The following SYNE1 variants were observed in gnomAD, a reference collection of about 807,000 sequenced individuals.
SYNE1 encodes the protein spectrin repeat containing nuclear envelope protein 1, also known as nesprin-1.
Under a neutral mutation model 1,111.0 loss-of-function variants are expected in SYNE1, and 616 were observed. That is an observed-to-expected ratio of 0.55 (90% CI 0.52 to 0.59). The LOEUF is 0.59. SYNE1 is among the 20% of genes least tolerant of loss of function. SYNE1 has a pLI of 0.00. For synonymous variants in SYNE1, 3,855 were observed against 3,825.8 expected (o/e 1.01, Z -0.28); for missense variants, 10,006 against 10,417.0 (o/e 0.96, Z 1.72).
rs1046460352 is a variant in SYNE1, at chr6:152,562,803, T to A, written c.68-22782A>T. Among the ~76,000 whole-genome samples the A allele has an allele frequency of 1.1e-4, 17 of 152,056 alleles. 1 individual carries two copies. The highest frequency in any genetic ancestry group is 1.2e-4 in the Non-Finnish European group (8 of 68,016). ...GTATCCCAGGACTTAAAGTATATAT[T>A]TTTTTAAAAAACTCTAAATATCAAT... On this transcript the variant is annotated intron_variant, in intron 3 of 145. Coordinates refer to ENST00000367255, the MANE Select transcript of SYNE1 (RefSeq NM_182961.4).
chr6:152,241,831 G>A (rs111679234), intron 107 of SYNE1, among the ~76,000 whole-genome samples: 2 of 152,088 alleles, frequency 1.3e-5, no homozygotes, highest in African/African-American at 4.8e-5. Context: ...GGCAAAGAGG[G>A]TAACTGGGAC....
chr6:152,180,145 C>T lies in SYNE1; in HGVS notation c.23451G>A (p.Lys7817=). ...GDILIEEMIE[K]LKKDYQEEIA... ...GCCATGCATTCCATACCTTCTTGAGCTTCTCTATCATTTCTTCAATGAGAA... is the reference window on the plus strand; with the variant it reads ...GCCATGCATTCCATACCTTCTTGAGTTTCTCTATCATTTCTTCAATGAGAA... The change falls in exon 129 of 146, where the codon AAG becomes AAA. Residue 7817 remains lysine (K), a synonymous_variant. Transcript: ENST00000367255. The T allele has an allele frequency of 6.2e-7, 1 of 1,614,084 alleles. No homozygotes were observed.
In SYNE1 at chr6:152,413,218, T is replaced by C. The variant is rs369294251; in HGVS notation, c.6230+134A>G. 1.2e-3 allele frequency: 1,284 copies of C among 1,057,960 alleles called. 7 individuals carry two copies. The highest frequency in any genetic ancestry group is 0.011 in the African/African-American group (670 of 63,550). 65.5% of individuals were successfully genotyped at this position (1,057,960 alleles called of 1,614,324 possible). A position where few individuals can be genotyped will look rare whatever the true frequency, so the allele number is the denominator to read the frequency against. ...CGAAATAAGTAAATTTTCAATGTTA[T>C]GAAAGTGACACAGAATATCTAAAAT... On this transcript the variant is annotated intron_variant, in intron 42 of 145. Coordinates refer to ENST00000367255, the MANE Select transcript of SYNE1 (RefSeq NM_182961.4).
Position 152,344,063 on chromosome 6 carries a change from C to G in SYNE1, c.12225+18G>C. Reference sequence around the variant, plus strand: ...GAATGATTCACAAGAATAACACAAACTTTCAGGAGTTTACTACCTGCTTAA... The same window carrying G: ...GAATGATTCACAAGAATAACACAAAGTTTCAGGAGTTTACTACCTGCTTAA... On this transcript the variant is annotated intron_variant, in intron 74 of 145. Coordinates refer to ENST00000367255, the MANE Select transcript of SYNE1 (RefSeq NM_182961.4). 6.2e-7 allele frequency: 1 copy of G among 1,614,114 alleles called. No homozygotes were observed. The highest frequency in any genetic ancestry group is 8.5e-7 in the Non-Finnish European group (1 of 1,179,986).
intron 28 of SYNE1, among the ~76,000 whole-genome samples, 196 bp downstream of exon 28, chr6:152,449,337 C>A (rs1427398521): frequency 1.3e-5 from 2 of 152,200 alleles, no homozygotes; most frequent in African/African-American, 4.8e-5. Context: ...GCATGACTAA[C>A]CCTCAAAGCT....
intron 4 of SYNE1, among the ~76,000 whole-genome samples, chr6:152,532,134 T>C (rs1273244549): frequency 6.6e-6 from 1 of 152,238 alleles, no homozygotes; most frequent in African/African-American, 2.4e-5. Flanking sequence ...TTTGAAACAT[T>C]ACTAGCATAT....
rs2097812968 is a variant in SYNE1 at position 152,401,316 on chromosome 6, T to C, written c.6851A>G (p.Lys2284Arg). Residue 2284 changes from lysine to arginine, a missense_variant, in exon 47 of 146, where the codon AAA becomes AGA. Transcript: ENST00000367255. ...AGTTATTTCTTTGGCATGCTCCAGT[T>C]TCTGCATTAAGTCTGCTTCTATAAA... Reference protein sequence around the residue: ...LQFIEADLMQKLEHAKEITEV... With the variant: ...LQFIEADLMQRLEHAKEITEV... 1 of 1,613,810 alleles carries C rather than the reference T, an allele frequency of 6.2e-7. No homozygotes were observed. Among genetic ancestry groups the C allele is most frequent in the African/African-American group, 1.3e-5 (1 of 74,930 alleles).
intron 142 of SYNE1, chr6:152,133,855 G>A: frequency 4.5e-6 from 1 of 224,636 alleles, no homozygotes; most frequent in Non-Finnish European, 8.9e-6. Context: ...TAGCGAAGCA[G>A]AAGTATGTCT....
intron 108 of SYNE1, 66 bp downstream of exon 108, chr6:152,239,467 T>C (rs2085032932): frequency 2.5e-6 from 4 of 1,595,526 alleles, no homozygotes; most frequent in Non-Finnish European, 3.4e-6. Context: ...AGATACATCT[T>C]GCATTAAAGG....
chr6:152,252,426 C>T (rs978706355), intron 104 of SYNE1, among the ~76,000 whole-genome samples: 4 of 152,076 alleles, frequency 2.6e-5, no homozygotes, highest in Admixed American at 2.0e-4. Flanking sequence ...TTTGAGGTTA[C>T]GTCCATGGGT....
intron 112 of SYNE1, 90 bp downstream of exon 112, chr6:152,233,690 TA>T: frequency 6.8e-7 from 1 of 1,478,756 alleles, no homozygotes; most frequent in South Asian, 1.2e-5. Context: ...ACAAAGCTGA[TA>T]TAAATTTGTG....
At chr6:152,147,387 C>A (rs1480601133) in intron 137 of SYNE1, 1 of 152,304 alleles carries the variant, frequency 6.6e-6, no homozygotes, top group Non-Finnish European at 1.5e-5. Context: ...AGGATCCCAG[C>A]ACCTCCCTCC....
rs145987148 is a variant in SYNE1, at chr6:152,342,477, A to C, written c.12225+1604T>G. 7.5e-3 allele frequency among the ~76,000 whole-genome samples: 1,142 copies of C among 152,334 alleles called. 19 individuals carry two copies. Among genetic ancestry groups the C allele is most frequent in the African/African-American group, 0.026 (1,071 of 41,566 alleles). On this transcript the variant is annotated intron_variant, in intron 74 of 145. Coordinates refer to ENST00000367255, the MANE Select transcript of SYNE1 (RefSeq NM_182961.4). The stretch of plus-strand genomic sequence containing the variant: ...CATTTGTCCTGATTCTATTCTTATA[A>C]AGTAAAATATGAACACTTTTGTGAA...
chr6:152,256,787 T>C (rs2090958376), intron 101 of SYNE1, 22 bp from the exon 102 acceptor site: 2 of 1,612,624 alleles, frequency 1.2e-6, no homozygotes, highest in East Asian at 4.5e-5. Context: ...CAAAGGCAGC[T>C]TGTTGAAGAG....
rs144118744 is a variant in SYNE1 at position 152,337,096 on chromosome 6, C to T, written c.12352-79G>A. On this transcript the variant is annotated intron_variant, in intron 75 of 145. Transcript: ENST00000367255. ...TTAATGAATCAGAGATGGAACTTTC[C>T]AGCTGGCCTGTGCACTCATTTGACA... 82 of 1,466,102 alleles carry T rather than the reference C, an allele frequency of 5.6e-5. No homozygotes were observed. In the Middle Eastern group the frequency reaches 5.8e-4, roughly 10 times the overall value. 90.8% of individuals were successfully genotyped at this position (1,466,102 alleles called of 1,614,324 possible).
intron 9 of SYNE1, among the ~76,000 whole-genome samples, chr6:152,503,064 A>C (rs376336702): frequency 1.8e-4 from 28 of 152,208 alleles, no homozygotes; most frequent in African/African-American, 6.5e-4. Context: ...TTCCTCATAC[A>C]GTATCTCATA....
chr6:152,167,580 T>A, intron 130 of SYNE1: 1 of 345,992 alleles, frequency 2.9e-6, no homozygotes, highest in Non-Finnish European at 5.8e-6. Context: ...ATATATTTTA[T>A]AAGCTTCATA....
At chr6:152,625,054 G>C (rs1182563289) in intron 3 of SYNE1, among the ~76,000 whole-genome samples, 1 of 152,110 alleles carries the variant, frequency 6.6e-6, no homozygotes, top group Non-Finnish European at 1.5e-5. Context: ...AAAGAAAAAG[G>C]ATTCTAGGAG....
chr6:152,225,985 A>G, intron 115 of SYNE1, 109 bp from the exon 116 acceptor site: 1 of 1,082,278 alleles, frequency 9.2e-7, no homozygotes, highest in Non-Finnish European at 1.3e-6. Flanking sequence ...TTACTAATCC[A>G]AAAAGCTTAT....
Sources: allele counts gnomAD v4.1 joint callset (sites outside exome capture counted in the v4.1 genomes callset), GRCh38; gene constraint gnomAD v4.1.1; transcripts MANE v1.5; gene names NCBI Gene and HGNC (gene_info 2026-07-23, HGNC 2026-07-21).